The following BRD8 variants were observed in gnomAD, a reference collection of about 807,000 sequenced individuals.
BRD8 encodes bromodomain-containing protein 8.
Under a neutral mutation model 143.1 loss-of-function variants are expected in BRD8, and 67 were observed. The observed-to-expected ratio is 0.47, with a 90% CI of 0.38 to 0.57. The LOEUF is 0.57. Ranked by LOEUF, BRD8 falls within the 20% of genes least tolerant of loss-of-function variation. The pLI is 0.00. For synonymous variants in BRD8, 505 were observed against 517.1 expected (o/e 0.98, Z 0.32); for missense variants, 1,103 against 1,503.0 (o/e 0.73, Z 4.40).
At chr5:138,149,304 A>G (rs1010621404) in intron 23 of BRD8, among the ~76,000 whole-genome samples, 2 of 151,622 alleles carry the variant, frequency 1.3e-5, no homozygotes, top group Admixed American at 1.3e-4. Context: ...TATTTTGTAG[A>G]GGCATGGTCT....
intron 21 of BRD8, among the ~76,000 whole-genome samples, chr5:138,151,490 A>G (rs1752366352): frequency 6.6e-6 from 1 of 152,186 alleles, no homozygotes; most frequent in Non-Finnish European, 1.5e-5. Context: ...GACACTTAAA[A>G]ATACTACCTT....
intron 23 of BRD8, among the ~76,000 whole-genome samples, chr5:138,147,972 T>TA (rs576893780): frequency 0.012 from 1,837 of 149,842 alleles, 17 homozygotes; most frequent in Admixed American, 0.018. Flanking sequence ...GGTTTCCTGT[T>TA]AAAAAAAAAC....
intron 25 of BRD8, among the ~76,000 whole-genome samples, chr5:138,143,681 G>A (rs1320020061): frequency 6.7e-6 from 1 of 148,400 alleles, no homozygotes; most frequent in Non-Finnish European, 1.5e-5. Context: ...AGCGCTCTGT[G>A]TCTAGCTAAA....
At chr5:138,144,210 C>G (rs1286778000) in intron 25 of BRD8, among the ~76,000 whole-genome samples, 5 of 151,986 alleles carry the variant, frequency 3.3e-5, no homozygotes, top group Non-Finnish European at 5.9e-5. Context: ...CTGGGAGGAA[C>G]GAACAACTCC....
chr5:138,165,419 T>C (rs1753319766), intron 11 of BRD8, among the ~76,000 whole-genome samples: 2 of 152,124 alleles, frequency 1.3e-5, no homozygotes, highest in South Asian at 4.1e-4. Context: ...GTTGTTTAAG[T>C]AATTCTTACT....
At chr5:138,142,027 A>C (rs1751929391) in intron 25 of BRD8, among the ~76,000 whole-genome samples, 1 of 151,820 alleles carries the variant, frequency 6.6e-6, no homozygotes, top group Non-Finnish European at 1.5e-5. Flanking sequence ...GTTGAAACTT[A>C]ATCCCAAGTG....
At chr5:138,154,556 A>G (rs1393568338) in intron 20 of BRD8, among the ~76,000 whole-genome samples, 1 of 152,218 alleles carries the variant, frequency 6.6e-6, no homozygotes, top group African/African-American at 2.4e-5. Context: ...ATGTCCATGT[A>G]ACAAGGAATT....
intron 14 of BRD8, 82 bp downstream of exon 14, chr5:138,164,005 A>C (rs775815978): frequency 1.4e-4 from 203 of 1,465,728 alleles, no homozygotes; most frequent in Non-Finnish European, 1.9e-4. Flanking sequence ...TAAAGATGTG[A>C]CTTTACTGAA....
At chr5:138,169,172 G>A (rs765627746) in intron 8 of BRD8, 50 bp downstream of exon 8, 37 of 1,588,804 alleles carry the variant, frequency 2.3e-5, no homozygotes, top group South Asian at 4.5e-5. Flanking sequence ...CAGCTCTGCC[G>A]GCTTATTGCC....
Position 138,165,726 on chromosome 5 carries a change from C to CAAAAAAAAAA in BRD8, c.1278+92_1278+101dup, listed in dbSNP as rs374362323. 1.4e-5 allele frequency: 13 copies of CAAAAAAAAAA among 946,426 alleles called. No homozygotes were observed. The African/African-American group carries it at 3.4e-4, about 25-fold the overall frequency. 58.6% of individuals were successfully genotyped at this position (946,426 alleles called of 1,614,324 possible). ...GGATGAAAGAGCAAGACTCTGTCTC[C>CAAAAAAAAAA]AAAAAAAAAAAAAAAAAAGCAGCAG... On this transcript the variant is annotated intron_variant, in intron 11 of 26. Coordinates refer to ENST00000254900, the MANE Select transcript of BRD8 (RefSeq NM_139199.2).
At chr5:138,177,409 C>T in intron 2 of BRD8, 162 bp downstream of exon 2, 1 of 512,420 alleles carries the variant, frequency 2.0e-6, no homozygotes, top group Non-Finnish European at 3.5e-6. Context: ...CACCACTGCA[C>T]TCCAGCCTGG....
At position 138,168,063 on chromosome 5, in the gene BRD8, T is replaced by A; in HGVS notation, c.658A>T (p.Met220Leu). Residue 220 changes from methionine (M) to leucine (L), a missense_variant, in exon 9 of 27, where the codon ATG (methionine) becomes TTG (leucine). By Grantham distance (15) the Met-to-Leu change is conservative (BLOSUM62 2). Transcript: ENST00000254900. ...EATSGVNESE[M>L]AVASGHLNST... Reference sequence around the variant, plus strand: ...TTCAGGTGGCCAGAAGCCACAGCCATTTCACTCTCATTGACCTACCAGGGA... The same window carrying A: ...TTCAGGTGGCCAGAAGCCACAGCCAATTCACTCTCATTGACCTACCAGGGA... 1 of 1,613,186 alleles carries A rather than the reference T, an allele frequency of 6.2e-7. No homozygotes were observed. Among genetic ancestry groups the A allele is most frequent in the Non-Finnish European group, 8.5e-7 (1 of 1,179,366 alleles).
At chr5:138,174,246 G>A (rs555157085) in intron 2 of BRD8, among the ~76,000 whole-genome samples, 48 of 151,706 alleles carry the variant, frequency 3.2e-4, no homozygotes, top group African/African-American at 1.1e-3. Context: ...TACCTTAATT[G>A]TGGATAGTTT....
intron 23 of BRD8, among the ~76,000 whole-genome samples, chr5:138,148,191 A>G (rs1357632878): frequency 8.7e-5 from 13 of 148,848 alleles, no homozygotes; most frequent in African/African-American, 2.0e-4. Flanking sequence ...AAAAAAAGGG[A>G]AAAAAAAAGG....
Position 138,166,095 on chromosome 5 carries a change from G to A in BRD8, c.1011C>T (p.Asp337=), listed in dbSNP as rs749235163. Residue 337 remains aspartate, a synonymous_variant, in exon 11 of 27, where the codon GAC becomes GAT. Transcript: ENST00000254900. ...CCACAGCCTCCATGGGAACACAGTT[G>A]TCGGGTTGACTCACTGAGTAACAGA... is the stretch of plus-strand genomic sequence containing the variant. ...TESVAPVSQP[D]NCVPMEAVGD... The A allele has an allele frequency of 6.2e-7, 1 of 1,612,498 alleles. No individual in the cohort carries two copies. The highest frequency in any genetic ancestry group is 8.5e-7 in the Non-Finnish European group (1 of 1,179,478).
intron 17 of BRD8, 21 bp from the exon 18 acceptor site, chr5:138,161,089 T>A: frequency 6.3e-7 from 1 of 1,590,502 alleles, no homozygotes; most frequent in South Asian, 1.1e-5. Flanking sequence ...AGAACAGGGG[T>A]AAGTAGCAGT....
At chr5:138,168,755 G>C in intron 8 of BRD8, 1 of 796,420 alleles carries the variant, frequency 1.3e-6, no homozygotes, top group Admixed American at 2.6e-5. Context: ...TAATCTGTAT[G>C]GGTTAGTGTG....
intron 25 of BRD8, among the ~76,000 whole-genome samples, chr5:138,143,558 C>T (rs1178657175): frequency 1.3e-5 from 2 of 152,166 alleles, no homozygotes; most frequent in Non-Finnish European, 2.9e-5. Context: ...TTGGGTGGGA[C>T]TTGGAGAACT....
At chr5:138,151,755 C>T (rs890457633) in intron 21 of BRD8, among the ~76,000 whole-genome samples, 16 of 151,956 alleles carry the variant, frequency 1.1e-4, no homozygotes, top group African/African-American at 3.9e-4. Context: ...CTTCCGCCTC[C>T]CGGGTTCAAG....
Sources: gnomAD v4.1 joint callset for allele counts (sites outside exome capture counted in the v4.1 genomes callset) on GRCh38, gnomAD v4.1.1 for gene constraint, MANE v1.5 for transcripts, NCBI Gene and HGNC (gene_info 2026-07-23, HGNC 2026-07-21) for gene names.